The following CCDC69 variants were observed in gnomAD, a reference collection of about 807,000 sequenced individuals.
The protein encoded by CCDC69 is coiled-coil domain-containing protein 69.
In CCDC69, 38 loss-of-function variants were observed where a neutral mutation model predicts 40.3. That is an observed-to-expected ratio of 0.94 (90% confidence interval 0.73 to 1.24). The LOEUF is 1.24. CCDC69 is among the 50% of genes most tolerant of loss of function. The probability of loss-of-function intolerance (pLI) is 0.00; values close to 1 mark genes in which losing one functional copy is unlikely to be tolerated. For missense variants in CCDC69, 389 were observed against 357.9 expected (o/e 1.09, Z -0.70); for synonymous variants, 141 against 138.9 (o/e 1.02, Z -0.11).
Position 151,183,618 on chromosome 5 carries a change from T to C in CCDC69, c.714-4A>G. 6.2e-7 allele frequency: 1 copy of C among 1,605,488 alleles called. No homozygotes were observed. Among genetic ancestry groups the C allele is most frequent in the African/African-American group, 1.3e-5 (1 of 74,974 alleles). ...AAGCAGGTCTTCTGACAGCTGCCTG[T>C]GGATGCACACAGAGCCCAGGGTTGC... On this transcript the variant is annotated splice_polypyrimidine_tract_variant and splice_region_variant and intron_variant, in intron 8 of 8. Transcript: ENST00000355417.
intron 2 of CCDC69, among the ~76,000 whole-genome samples, chr5:151,202,910 A>G (rs1441745485): frequency 6.6e-6 from 1 of 152,202 alleles, no homozygotes; most frequent in African/African-American, 2.4e-5. Context: ...TTAAATCAGG[A>G]AACAATGGCA....
At chr5:151,206,584 T>A (rs1314186634) in intron 1 of CCDC69, among the ~76,000 whole-genome samples, 1 of 152,228 alleles carries the variant, frequency 6.6e-6, no homozygotes, top group South Asian at 2.1e-4. Context: ...ATTAACTAAT[T>A]AATGTATTTA....
intron 1 of CCDC69, among the ~76,000 whole-genome samples, chr5:151,206,052 T>C (rs367690760): frequency 6.6e-6 from 1 of 152,198 alleles, no homozygotes; most frequent in African/African-American, 2.4e-5. Context: ...TACCTGGAGA[T>C]AGTGTCACAA....
At position 151,182,037 on chromosome 5, in the gene CCDC69, T is replaced by C. The variant is rs1766638948; in HGVS notation, c.*1400A>G. 2.0e-5 allele frequency: 3 copies of C among 152,234 alleles called. No individual in the cohort carries two copies. Among genetic ancestry groups the C allele is most frequent in the South Asian group, 2.1e-4 (1 of 4,824 alleles). The allele number at this position is 152,234 out of a possible 1,614,324, so 9.4% of individuals were successfully genotyped here. ...GATGATGTCACTATAGAATGACTGATGAAAAATGCAGATTGACTGTTCTGA... is the reference window on the plus strand; with the variant it reads ...GATGATGTCACTATAGAATGACTGACGAAAAATGCAGATTGACTGTTCTGA... On this transcript the variant is annotated 3_prime_UTR_variant, in exon 9 of 9. Transcript: ENST00000355417.
intron 1 of CCDC69, among the ~76,000 whole-genome samples, chr5:151,213,399 A>T (rs562416432): frequency 6.9e-6 from 1 of 145,220 alleles, no homozygotes; most frequent in Non-Finnish European, 1.5e-5. Flanking sequence ...GGTGCCCACC[A>T]CCATGTCCGG....
chr5:151,212,018 G>C (rs1345195054), intron 1 of CCDC69: 5 of 120,938 alleles, frequency 4.1e-5, no homozygotes, highest in African/African-American at 1.7e-4. Flanking sequence ...TGGTGGTGGT[G>C]GGGGGGGGAG....
chr5:151,196,008 A>G (rs926922321), intron 4 of CCDC69, among the ~76,000 whole-genome samples: 5 of 152,244 alleles, frequency 3.3e-5, no homozygotes, highest in Non-Finnish European at 7.3e-5. Context: ...ACAAGAAATA[A>G]GGAAAGCCAT....
intron 1 of CCDC69, 81 bp downstream of exon 1, chr5:151,223,842 G>C (rs1753173167): frequency 7.1e-7 from 1 of 1,408,034 alleles, no homozygotes. Flanking sequence ...GAGAGAGCCC[G>C]GGGCGCCGAG....
chr5:151,194,492 T>A (rs1375003757), intron 4 of CCDC69, among the ~76,000 whole-genome samples: 2 of 152,156 alleles, frequency 1.3e-5, no homozygotes, highest in Non-Finnish European at 2.9e-5. Context: ...AGATCAGTAA[T>A]TGCCAGGGGT....
rs1766629086 is a variant in CCDC69, at chr5:151,181,517, C to G, written c.*1920G>C. On this transcript the variant is annotated 3_prime_UTR_variant, in exon 9 of 9. Coordinates refer to ENST00000355417, the MANE Select transcript of CCDC69 (RefSeq NM_015621.3). The stretch of plus-strand genomic sequence containing the variant: ...ACAGGCGTGAGCCACTGTGCCTGGA[C>G]TAAAACAATGCTTTCTAAAGCGCAT... 6.6e-6 allele frequency: 1 copy of G among 152,420 alleles called. No homozygotes were observed. The highest frequency in any genetic ancestry group is 2.1e-4 in the South Asian group (1 of 4,828). The allele number at this position is 152,420 out of a possible 1,614,324, so 9.4% of individuals were successfully genotyped here. A position where few individuals can be genotyped will look rare whatever the true frequency, so the allele number is the denominator to read the frequency against.
In CCDC69 at chr5:151,200,143, C is replaced by CT. The variant is rs200177477; in HGVS notation, c.232-1060dup. On this transcript the variant is annotated intron_variant, in intron 3 of 8. Coordinates refer to ENST00000355417, the MANE Select transcript of CCDC69 (RefSeq NM_015621.3). ...AGTGATTAGTTTATAACTACGGAGA[C>CT]TTTTTTTTTTTTTGAGATGGATTCT... Among the ~76,000 whole-genome samples, 1,143 of 145,542 alleles carry CT rather than the reference C, an allele frequency of 7.9e-3. 15 individuals are homozygous for CT. Among genetic ancestry groups the CT allele is most frequent in the East Asian group, 0.03 (151 of 5,060 alleles).
intron 4 of CCDC69, among the ~76,000 whole-genome samples, chr5:151,187,761 A>T (rs567051435): frequency 8.2e-4 from 125 of 152,350 alleles, no homozygotes; most frequent in Non-Finnish European, 9.8e-4. Flanking sequence ...TGCAGGAAGC[A>T]TGTTCACCTA....
chr5:151,217,300 T>C lies in CCDC69; in HGVS notation c.48+6623A>G, dbSNP rs532379297. Among the ~76,000 whole-genome samples, 2 of 152,330 alleles carry C rather than the reference T, an allele frequency of 1.3e-5. 1 individual carries two copies. Among genetic ancestry groups the C allele is most frequent in the South Asian group, 4.1e-4 (2 of 4,830 alleles). ...GCTGGTGTCCAAAAGCAATGGGCCCTGTCCAGGCACCTCCTTGTTTACAGT... is the reference window on the plus strand; with the variant it reads ...GCTGGTGTCCAAAAGCAATGGGCCCCGTCCAGGCACCTCCTTGTTTACAGT... On this transcript the variant is annotated intron_variant, in intron 1 of 8. Transcript: ENST00000355417.
In CCDC69 at chr5:151,199,084, C is replaced by T. The variant is rs1752742790; in HGVS notation, c.232G>A (p.Val78Met). ...AGCTCTAGCTCCCTTTCCTTCTCCACCTGGGGGCAGAGAGTCCCGGGCAGG... is the reference window on the plus strand; with the variant it reads ...AGCTCTAGCTCCCTTTCCTTCTCCATCTGGGGGCAGAGAGTCCCGGGCAGG... ...EEEKKKWAQQ[V>M]EKERELELRD... The change falls in exon 4 of 9, where the codon GTG (valine) becomes ATG (methionine). Residue 78 changes from valine (V) to methionine (M), a missense_variant and splice_region_variant. Val to Met is a conservative substitution (Grantham distance 21, BLOSUM62 1). Transcript: ENST00000355417. The T allele has an allele frequency of 6.2e-7, 1 of 1,613,332 alleles. No individual in the cohort carries two copies. The highest frequency in any genetic ancestry group is 2.2e-5 in the East Asian group (1 of 44,896).
In CCDC69 at chr5:151,182,838, C is replaced by A; in HGVS notation, c.*599G>T. The A allele has an allele frequency of 2.8e-6, 1 of 351,314 alleles. No homozygotes were observed. 21.8% of individuals were successfully genotyped at this position (351,314 alleles called of 1,614,324 possible). On this transcript the variant is annotated 3_prime_UTR_variant, in exon 9 of 9. Transcript: ENST00000355417. ...TGTCAGCCCCAAGGGCCTTCAGAGA[C>A]CCCCTCTCTACCACTCACCTTCCCC...
chr5:151,207,256 C>T (rs1752865760), intron 1 of CCDC69, among the ~76,000 whole-genome samples: 1 of 149,878 alleles, frequency 6.7e-6, no homozygotes, highest in African/African-American at 2.5e-5. Context: ...TTGATATGGG[C>T]TGATGAGGAT....
Position 151,185,557 on chromosome 5 carries a change from G to A in CCDC69, c.496-16C>T. 1 of 1,613,736 alleles carries A rather than the reference G, an allele frequency of 6.2e-7. No individual in the cohort carries two copies. Among genetic ancestry groups the A allele is most frequent in the Non-Finnish European group, 8.5e-7 (1 of 1,179,790 alleles). On this transcript the variant is annotated splice_polypyrimidine_tract_variant and intron_variant, in intron 6 of 8. Coordinates refer to ENST00000355417, the MANE Select transcript of CCDC69 (RefSeq NM_015621.3). ...TCCCATAATCCTAGACAGGGACAGA[G>A]TGACCTCATTAGGCCAGTAGGCTAC...
At chr5:151,220,162 C>G (rs779934823) in intron 1 of CCDC69, among the ~76,000 whole-genome samples, 4 of 152,184 alleles carry the variant, frequency 2.6e-5, no homozygotes, top group Non-Finnish European at 4.4e-5. Context: ...GGGGTACTTT[C>G]CTTGGGTACA....
At position 151,182,658 on chromosome 5, in the gene CCDC69, T is replaced by G; in HGVS notation, c.*779A>C. 1 of 246,568 alleles carries G rather than the reference T, an allele frequency of 4.1e-6. No individual in the cohort carries two copies. The highest frequency in any genetic ancestry group is 8.1e-6 in the Non-Finnish European group (1 of 123,406). The allele number at this position is 246,568 out of a possible 1,614,324, so 15.3% of individuals were successfully genotyped here. On this transcript the variant is annotated 3_prime_UTR_variant, in exon 9 of 9. Coordinates refer to ENST00000355417, the MANE Select transcript of CCDC69 (RefSeq NM_015621.3). The stretch of plus-strand genomic sequence containing the variant: ...TGAATGGACTCACAACCACCAAGCT[T>G]GCCCCTGTGCCCAGGTGGCACCAAG...
Sources: allele counts gnomAD v4.1 joint callset (sites outside exome capture counted in the v4.1 genomes callset), GRCh38; gene constraint gnomAD v4.1.1; transcripts MANE v1.5; gene names NCBI Gene and HGNC (gene_info 2026-07-23, HGNC 2026-07-21).